Variants in FRMD5 observed in about 807,000 individuals in gnomAD.
FRMD5 encodes FERM domain-containing protein 5.
Under a neutral mutation model 69.0 loss-of-function variants are expected in FRMD5, and 20 were observed. That is an observed-to-expected ratio of 0.29 (90% CI 0.20 to 0.42). FRMD5 has a LOEUF of 0.42. Ranked by LOEUF, FRMD5 falls within the 10% of genes least tolerant of loss-of-function variation. The pLI is 1.00. For missense variants in FRMD5, 595 were observed against 708.6 expected, an observed-to-expected ratio of 0.84 and a Z score of 1.82; for synonymous variants, 271 against 260.1, an observed-to-expected ratio of 1.04 and a Z score of -0.40.
intron 1 of FRMD5, among the ~76,000 whole-genome samples, chr15:44,092,254 T>C (rs954302149): frequency 1.3e-5 from 2 of 152,114 alleles, no homozygotes; most frequent in African/African-American, 4.8e-5. Context: ...CCTCCATCCT[T>C]TCTGTTCTAG....
intron 1 of FRMD5, among the ~76,000 whole-genome samples, chr15:44,170,451 A>C (rs1369866190): frequency 6.7e-6 from 1 of 150,208 alleles, no homozygotes; most frequent in African/African-American, 2.5e-5. Flanking sequence ...TGAACCCAGG[A>C]GGCGGAGGTT....
rs759380577 is a variant in FRMD5 at position 43,909,917 on chromosome 15, G to A, written c.392C>T (p.Ser131Leu). 14 of 1,613,016 alleles carry A rather than the reference G, an allele frequency of 8.7e-6. No homozygotes were observed. The East Asian group carries it at 2.0e-4, about 23-fold the overall frequency. The change falls in exon 5 of 14, where the codon TCG becomes TTG. Residue 131 changes from serine to leucine, a missense_variant. This residue lies in a region of FRMD5 where 79 missense variants were observed against 139.9 expected (regional missense o/e 0.56). Coordinates refer to ENST00000417257, the MANE Select transcript of FRMD5 (RefSeq NM_032892.5). ...LYHGRLLCKTSDAALLAAYIL... is the reference protein window; with the variant it reads ...LYHGRLLCKTLDAALLAAYIL... ...GTAAGCTGCTAACAAGGCAGCATCC[G>A]ATGTTTTACAGAGGAGTCGGCCATG...
Position 44,036,055 on chromosome 15 carries a change from C to T in FRMD5, c.103-111746G>A, listed in dbSNP as rs544011261. 5.9e-5 allele frequency among the ~76,000 whole-genome samples: 9 copies of T among 152,068 alleles called. No individual in the cohort carries two copies. In the South Asian group the frequency reaches 1.0e-3, roughly 18 times the overall value. ...GAGAAGCCTCTGGCCAGAGAAACTG[C>T]GTCATATGTCACAAAAATTAAAGGA... On this transcript the variant is annotated intron_variant, in intron 1 of 13. Coordinates refer to ENST00000417257, the MANE Select transcript of FRMD5 (RefSeq NM_032892.5).
intron 1 of FRMD5, 100 bp downstream of exon 1, chr15:44,194,853 G>A (rs1216552394): frequency 4.0e-6 from 4 of 992,350 alleles, no homozygotes; most frequent in Non-Finnish European, 6.1e-6. Flanking sequence ...ACGGCGCTGG[G>A]GCTGGGGCGA....
chr15:43,974,829 A>T (rs1054223118), intron 1 of FRMD5, among the ~76,000 whole-genome samples: 1 of 152,184 alleles, frequency 6.6e-6, no homozygotes, highest in East Asian at 1.9e-4. Context: ...TGAAACAAAA[A>T]TTTTTCAAGA....
At chr15:44,113,477 A>G (rs1244820056) in intron 1 of FRMD5, among the ~76,000 whole-genome samples, 1 of 152,200 alleles carries the variant, frequency 6.6e-6, no homozygotes, top group African/African-American at 2.4e-5. Flanking sequence ...ACATGATATG[A>G]GCATGCAATG....
chr15:43,875,348 C>CAAAAAAAA (rs1202161221), intron 13 of FRMD5, among the ~76,000 whole-genome samples: 3 of 46,814 alleles, frequency 6.4e-5, no homozygotes, highest in Admixed American at 3.1e-4. Flanking sequence ...AAGACTGTCT[C>CAAAAAAAA]AAAAAAAAAA....
At chr15:44,189,404 G>A (rs778162628) in intron 1 of FRMD5, among the ~76,000 whole-genome samples, 16 of 151,958 alleles carry the variant, frequency 1.1e-4, no homozygotes, top group Non-Finnish European at 1.9e-4. Flanking sequence ...GAAACTGGAG[G>A]TTGGGAGTAT....
At chr15:43,985,059 T>C (rs1889320728) in intron 1 of FRMD5, among the ~76,000 whole-genome samples, 1 of 150,770 alleles carries the variant, frequency 6.6e-6, no homozygotes, top group Non-Finnish European at 1.5e-5. Context: ...GGCAGGCAGA[T>C]CACGAGGTCA....
intron 10 of FRMD5, among the ~76,000 whole-genome samples, chr15:43,887,790 ACT>A (rs1424761611): frequency 6.6e-6 from 1 of 152,130 alleles, no homozygotes; most frequent in East Asian, 1.9e-4. Flanking sequence ...AATATACCAC[ACT>A]CTGTCTTGCC....
rs561495842 is a variant in FRMD5 at position 44,106,430 on chromosome 15, C to G, written c.102+88523G>C. Among the ~76,000 whole-genome samples the G allele has an allele frequency of 2.6e-5, 4 of 152,298 alleles. 1 individual carries two copies. The South Asian group carries it at 8.3e-4, about 32-fold the overall frequency. On this transcript the variant is annotated intron_variant, in intron 1 of 13. Coordinates refer to ENST00000417257, the MANE Select transcript of FRMD5 (RefSeq NM_032892.5). ...CCCACCCTGCATGCAGTAACAGAGG[C>G]CTGCTTGTGTTTGCCTGTACATATT...
At chr15:44,186,459 T>G (rs914555741) in intron 1 of FRMD5, among the ~76,000 whole-genome samples, 1 of 152,206 alleles carries the variant, frequency 6.6e-6, no homozygotes, top group African/African-American at 2.4e-5. Flanking sequence ...ATAATTTGCC[T>G]GACTAAGGAG....
chr15:43,954,088 A>G (rs1249386760), intron 1 of FRMD5, among the ~76,000 whole-genome samples: 1 of 152,186 alleles, frequency 6.6e-6, no homozygotes. Flanking sequence ...ACGTGAGGGA[A>G]AGCAAGCTAC....
chr15:44,019,604 G>T (rs1891118681), intron 1 of FRMD5, among the ~76,000 whole-genome samples: 1 of 151,574 alleles, frequency 6.6e-6, no homozygotes, highest in Non-Finnish European at 1.5e-5. Flanking sequence ...GGGTGTGGTG[G>T]TGGGCACCTG....
chr15:43,924,713 C>T (rs528164888), intron 1 of FRMD5, among the ~76,000 whole-genome samples: 2 of 152,292 alleles, frequency 1.3e-5, no homozygotes, highest in African/African-American at 4.8e-5. Flanking sequence ...CTCTCTGTTA[C>T]CAACACCATA....
At chr15:43,922,827 T>C (rs60555421) in intron 2 of FRMD5, among the ~76,000 whole-genome samples, 4,080 of 152,164 alleles carry the variant, frequency 0.027, 169 homozygotes, top group African/African-American at 0.093. Flanking sequence ...CATGCCACCA[T>C]TTCCGCGAAT....
intron 1 of FRMD5, among the ~76,000 whole-genome samples, chr15:43,987,609 G>T (rs1889458138): frequency 6.6e-6 from 1 of 152,126 alleles, no homozygotes; most frequent in Admixed American, 6.6e-5. Flanking sequence ...AGCTAGAGTG[G>T]TGTGATCTTG....
chr15:44,002,240 T>C (rs1890246150), intron 1 of FRMD5, among the ~76,000 whole-genome samples: 1 of 152,162 alleles, frequency 6.6e-6, no homozygotes, highest in African/African-American at 2.4e-5. Context: ...CATCTGGGTG[T>C]TGTGTGATCA....
chr15:43,929,737 C>T lies in FRMD5; in HGVS notation c.103-5428G>A, dbSNP rs181124763. Among the ~76,000 whole-genome samples the T allele has an allele frequency of 8.1e-4, 123 of 152,232 alleles. 2 individuals are homozygous for T. The South Asian group carries it at 0.023, about 29-fold the overall frequency. ...GAACGAGTTGTCCTTGGAGGCCTGC[C>T]GGGGAAGAAACAGGCACCAGGGATG... On this transcript the variant is annotated intron_variant, in intron 1 of 13. Coordinates refer to ENST00000417257, the MANE Select transcript of FRMD5 (RefSeq NM_032892.5).
Sources: gnomAD v4.1 joint callset for allele counts (sites outside exome capture counted in the v4.1 genomes callset) on GRCh38, gnomAD v4.1.1 for gene constraint, gnomAD v4.1.1 regional missense constraint, MANE v1.5 for transcripts, NCBI Gene and HGNC (gene_info 2026-07-23, HGNC 2026-07-21) for gene names.